Variants in HRH1 observed in about 807,000 individuals in gnomAD.
HRH1 encodes histamine H1 receptor.
A neutral mutation model predicts 10.3 loss-of-function variants in HRH1; 6 were observed. The ratio of observed to expected loss-of-function variants is 0.58; its 90% CI spans 0.32 to 1.15. HRH1 has a LOEUF of 1.15. HRH1 is among the 50% of genes most tolerant of loss of function. HRH1 has a pLI of 0.05. For missense variants in HRH1, 514 were observed against 615.3 expected, an observed-to-expected ratio of 0.84 and a Z score of 1.74; for synonymous variants, 242 against 236.7, an observed-to-expected ratio of 1.02 and a Z score of -0.21.
chr3:11,194,957 T>G (rs1271506902), intron 1 of HRH1, among the ~76,000 whole-genome samples: 1 of 152,230 alleles, frequency 6.6e-6, no homozygotes, highest in Non-Finnish European at 1.5e-5. Context: ...CAACAGCTTC[T>G]TTGTGAGATA....
chr3:11,162,000 T>C (rs890843434), intron 1 of HRH1, among the ~76,000 whole-genome samples: 1 of 151,836 alleles, frequency 6.6e-6, no homozygotes, highest in African/African-American at 2.4e-5. Context: ...CTAATCAGAG[T>C]GACAGTGGAG....
intron 1 of HRH1, among the ~76,000 whole-genome samples, chr3:11,142,577 C>T (rs947739447): frequency 1.6e-4 from 25 of 152,198 alleles, no homozygotes; most frequent in Admixed American, 1.6e-3. Flanking sequence ...GAGCACTACC[C>T]TTACCCAGGA....
At chr3:11,234,512 C>T in intron 1 of HRH1, 2 of 1,435,666 alleles carry the variant, frequency 1.4e-6, no homozygotes, top group South Asian at 1.1e-5. Context: ...GGCCATTCCC[C>T]CAAGGCATGG....
In HRH1 at chr3:11,259,528, G is replaced by C. The variant is rs764878884; in HGVS notation, c.491G>C (p.Gly164Ala). Residue 164 changes from glycine to alanine, a missense_variant, in exon 2 of 2, where the codon GGC (glycine) becomes GCC (alanine). Coordinates refer to ENST00000431010, the MANE Select transcript of HRH1 (RefSeq NM_001098212.2). The surrounding 1 kb of genome is among the most constrained non-coding windows in gnomAD (Gnocchi z 4.6). ...LSFLWVIPIL[G>A]WNHFMQQTSV... is the part of the protein sequence containing the mutation. ...TTTCTGTGGGTTATTCCCATTCTAG[G>C]CTGGAATCACTTCATGCAGCAGACC... is the stretch of plus-strand genomic sequence containing the variant. The C allele has an allele frequency of 2.5e-6, 4 of 1,614,028 alleles. No homozygotes were observed. Among genetic ancestry groups the C allele is most frequent in the Non-Finnish European group, 3.4e-6 (4 of 1,180,012 alleles).
chr3:11,165,640 G>A (rs765825461), intron 1 of HRH1, among the ~76,000 whole-genome samples: 7 of 152,178 alleles, frequency 4.6e-5, no homozygotes, highest in African/African-American at 4.8e-5. Context: ...GCCAAGAATC[G>A]TTACGGTGAT....
At chr3:11,178,124 C>T (rs370527927) in intron 1 of HRH1, among the ~76,000 whole-genome samples, 6 of 152,288 alleles carry the variant, frequency 3.9e-5, no homozygotes, top group South Asian at 4.1e-4. Flanking sequence ...ACCCTGTCAT[C>T]GTCCTTCAGC....
At chr3:11,152,055 G>C (rs766601668), upstream of HRH1, among the ~76,000 whole-genome samples, 1 of 152,182 alleles carries the variant, frequency 6.6e-6, no homozygotes, top group South Asian at 2.1e-4. Flanking sequence ...CCAGGCTCCA[G>C]ATCTGGCTCA....
At position 11,220,547 on chromosome 3, in the gene HRH1, A is replaced by G. The variant is rs367732819; in HGVS notation, c.-35-38456A>G. Reference sequence around the variant, plus strand: ...TGTGGAGCTGCAGGGCTGCCCATGCACACCGGCAGGTGAAAATGCACCTTA... The same window carrying G: ...TGTGGAGCTGCAGGGCTGCCCATGCGCACCGGCAGGTGAAAATGCACCTTA... On this transcript the variant is annotated intron_variant, in intron 1 of 1. Transcript: ENST00000431010. 1.5e-4 allele frequency among the ~76,000 whole-genome samples: 23 copies of G among 152,344 alleles called. No homozygotes were observed. The South Asian group carries it at 4.6e-3, about 30-fold the overall frequency.
At chr3:11,217,616 A>G (rs1376060398) in intron 1 of HRH1, among the ~76,000 whole-genome samples, 1 of 152,204 alleles carries the variant, frequency 6.6e-6, no homozygotes, top group East Asian at 1.9e-4. Flanking sequence ...ATAGAGTTTC[A>G]GTTTTACAAG....
chr3:11,181,899 G>A (rs936660813), intron 1 of HRH1, among the ~76,000 whole-genome samples: 6 of 151,956 alleles, frequency 3.9e-5, no homozygotes, highest in African/African-American at 1.2e-4. Context: ...CCAAAGTGCT[G>A]GGATTACAGG....
chr3:11,171,363 A>G (rs1937147747), intron 1 of HRH1, among the ~76,000 whole-genome samples: 1 of 151,956 alleles, frequency 6.6e-6, no homozygotes, highest in Non-Finnish European at 1.5e-5. Context: ...TGATCCACCT[A>G]CCTTGGCCTC....
Position 11,188,348 on chromosome 3 carries a change from TCTC to T in HRH1, c.-36+33795_-36+33797del, listed in dbSNP as rs1937483382. On this transcript the variant is annotated intron_variant, in intron 1 of 1. Transcript: ENST00000431010. Reference sequence around the variant, plus strand: ...CAGGTGAGGTGGCTGACACTTGTAATCTCAACACCTTGGGAAGCCGAGGCGGGT... The same window carrying T: ...CAGGTGAGGTGGCTGACACTTGTAATAACACCTTGGGAAGCCGAGGCGGGT... Among the ~76,000 whole-genome samples, 4 of 152,180 alleles carry T rather than the reference TCTC, an allele frequency of 2.6e-5. No individual in the cohort carries two copies. The South Asian group carries it at 8.3e-4, about 31-fold the overall frequency.
At position 11,233,567 on chromosome 3, in the gene HRH1, T is replaced by C. The variant is rs558622415; in HGVS notation, c.-35-25436T>C. On this transcript the variant is annotated intron_variant, in intron 1 of 1. Coordinates refer to ENST00000431010, the MANE Select transcript of HRH1 (RefSeq NM_001098212.2). ...ACCAGACTGAGAGCCTGTGTGAACA[T>C]GGGCCCCAAACCAGGGCTTTCAGAA... Among the ~76,000 whole-genome samples the C allele has an allele frequency of 2.6e-5, 4 of 152,288 alleles. No homozygotes were observed. In the South Asian group the frequency reaches 8.3e-4, roughly 32 times the overall value.
At chr3:11,205,325 G>A (rs929279661) in intron 1 of HRH1, among the ~76,000 whole-genome samples, 2 of 152,104 alleles carry the variant, frequency 1.3e-5, no homozygotes, top group Non-Finnish European at 2.9e-5. Context: ...AGTCCCACCT[G>A]TAGGCTCTGC....
intron 1 of HRH1, among the ~76,000 whole-genome samples, chr3:11,146,196 T>C (rs1936439268): frequency 6.6e-6 from 1 of 152,204 alleles, no homozygotes. Context: ...TGGTTCCACA[T>C]CCTGTCCTAC....
chr3:11,140,141 C>G lies in HRH1; in HGVS notation c.-36+2742C>G, dbSNP rs915092981. Reference sequence around the variant, plus strand: ...GTGCCCATGTACAGTGAACGACCCGCGCAGCTGTTCTTAGCTGCCCTGCGA... The same window carrying G: ...GTGCCCATGTACAGTGAACGACCCGGGCAGCTGTTCTTAGCTGCCCTGCGA... On this transcript the variant is annotated intron_variant, in intron 1 of 1. Coordinates refer to the HRH1 transcript ENST00000438284. Among the ~76,000 whole-genome samples the G allele has an allele frequency of 2.0e-5, 3 of 152,146 alleles. No homozygotes were observed. In the East Asian group the frequency reaches 5.8e-4, roughly 29 times the overall value.
intron 1 of HRH1, among the ~76,000 whole-genome samples, chr3:11,209,779 T>C (rs1370153223): frequency 2.0e-5 from 3 of 152,204 alleles, no homozygotes; most frequent in African/African-American, 7.2e-5. Flanking sequence ...ATTATTTTGG[T>C]GAATTAGTAC....
intron 1 of HRH1, chr3:11,252,918 C>CGTCT (rs1199166720): frequency 6.6e-6 from 1 of 151,918 alleles, no homozygotes; most frequent in African/African-American, 2.4e-5. Context: ...ATGTGTTCTT[C>CGTCT]GTCTGCGGTG....
rs773945373 is a variant in HRH1 at position 11,259,874 on chromosome 3, C to T, written c.837C>T (p.Thr279=). The T allele has an allele frequency of 6.2e-7, 1 of 1,614,082 alleles. No homozygotes were observed. The highest frequency in any genetic ancestry group is 2.2e-5 in the East Asian group (1 of 44,882). The stretch of plus-strand genomic sequence containing the variant: ...CTGTCTTGAAGTCACCATCCCAAAC[C>T]CCCAAGGAGATGAAATCCCCAGTTG... ...GGSVLKSPSQ[T]PKEMKSPVVF... The change falls in exon 2 of 2, where the codon ACC becomes ACT. Residue 279 remains threonine (T), a synonymous_variant. Transcript: ENST00000431010. The surrounding 1 kb of genome is among the most constrained non-coding windows in gnomAD (Gnocchi z 4.6).
Sources: allele counts gnomAD v4.1 joint callset (sites outside exome capture counted in the v4.1 genomes callset), GRCh38; gene constraint gnomAD v4.1.1; non-coding constraint Gnocchi (gnomAD v3.1); transcripts MANE v1.5; gene names NCBI Gene and HGNC (gene_info 2026-07-23, HGNC 2026-07-21).